Variants in CEP85L observed in about 807,000 individuals in gnomAD.
CEP85L encodes centrosomal protein of 85 kDa-like.
Under a neutral mutation model 100.3 loss-of-function variants are expected in CEP85L, and 60 were observed. The ratio of observed to expected loss-of-function variants is 0.60; its 90% CI spans 0.49 to 0.74. The LOEUF (loss-of-function observed/expected upper bound fraction) is 0.74, where lower values mean the gene tolerates loss of function less well. Ranked by LOEUF, CEP85L falls within the 30% of genes least tolerant of loss-of-function variation. CEP85L has a pLI of 0.00. For synonymous variants in CEP85L, 319 were observed against 322.7 expected (o/e 0.99, Z 0.12); for missense variants, 973 against 936.2 (o/e 1.04, Z -0.51).
intron 12 of CEP85L, among the ~76,000 whole-genome samples, chr6:118,466,673 C>T (rs1240188624): frequency 6.6e-6 from 1 of 151,966 alleles, no homozygotes; most frequent in South Asian, 2.1e-4. Context: ...CAAACTGTGA[C>T]AAAGGAGAGT....
chr6:118,672,428 T>A (rs1478826754), intron 1 of CEP85L, among the ~76,000 whole-genome samples: 3 of 152,150 alleles, frequency 2.0e-5, no homozygotes, highest in Non-Finnish European at 4.4e-5. Context: ...TGCTAGCTGT[T>A]ATGGACGATA....
intron 1 of CEP85L, among the ~76,000 whole-genome samples, chr6:118,646,465 T>C (rs2115368814): frequency 6.6e-6 from 1 of 151,896 alleles, no homozygotes; most frequent in South Asian, 2.1e-4. Flanking sequence ...GGTCAGGAGT[T>C]CAAGACCAAC....
At chr6:118,519,563 T>C (rs1288910180) in intron 4 of CEP85L, among the ~76,000 whole-genome samples, 8 of 5,546 alleles carry the variant, frequency 1.4e-3, no homozygotes, top group South Asian at 0.013. Context: ...TGTGTGTGTG[T>C]GTGTGTGTGT....
intron 1 of CEP85L, among the ~76,000 whole-genome samples, chr6:118,642,874 G>C (rs1053854176): frequency 3.3e-5 from 5 of 152,194 alleles, no homozygotes; most frequent in African/African-American, 9.7e-5. Flanking sequence ...CTGGGTGACA[G>C]AGAGACTCCG....
At chr6:118,591,019 T>C (rs1224509593) in intron 2 of CEP85L, among the ~76,000 whole-genome samples, 1 of 152,048 alleles carries the variant, frequency 6.6e-6, no homozygotes, top group African/African-American at 2.4e-5. Flanking sequence ...TAAAATCAAT[T>C]CAGTTCAGTT....
chr6:118,534,917 C>T (rs11754973), intron 3 of CEP85L, among the ~76,000 whole-genome samples: 2 of 151,914 alleles, frequency 1.3e-5, no homozygotes, highest in African/African-American at 4.8e-5. Context: ...CTACTTGGGA[C>T]GCTGAGGCAC....
At position 118,467,062 on chromosome 6, in the gene CEP85L, T is replaced by C. The variant is rs111678191; in HGVS notation, c.2255-1494A>G. Among the ~76,000 whole-genome samples the C allele has an allele frequency of 4.4e-3, 669 of 152,180 alleles. 8 individuals carry two copies. Among genetic ancestry groups the C allele is most frequent in the African/African-American group, 0.016 (648 of 41,524 alleles). Reference sequence around the variant, plus strand: ...TCAAGTGACAGGTGAATGGTGGTGTTACTCACTGAGAAGAGGAACCGGTTC... The same window carrying C: ...TCAAGTGACAGGTGAATGGTGGTGTCACTCACTGAGAAGAGGAACCGGTTC... On this transcript the variant is annotated intron_variant, in intron 12 of 12. Transcript: ENST00000368491.
At chr6:118,549,075 T>A (rs1392889596) in intron 3 of CEP85L, among the ~76,000 whole-genome samples, 1 of 151,994 alleles carries the variant, frequency 6.6e-6, no homozygotes, top group Non-Finnish European at 1.5e-5. Flanking sequence ...TAAAGAAGTT[T>A]AGAAATTTTA....
intron 2 of CEP85L, among the ~76,000 whole-genome samples, chr6:118,618,100 T>C (rs1227917574): frequency 2.0e-5 from 3 of 151,858 alleles, no homozygotes; most frequent in Non-Finnish European, 2.9e-5. Flanking sequence ...CACCCGGGAG[T>C]GCTCAGCAAA....
chr6:118,538,896 C>T (rs535611231), intron 3 of CEP85L, among the ~76,000 whole-genome samples: 30 of 150,924 alleles, frequency 2.0e-4, no homozygotes, highest in African/African-American at 6.4e-4. Context: ...AATTAACAAA[C>T]CAGACAATAA....
chr6:118,674,437 T>G (rs928369802), intron 1 of CEP85L, among the ~76,000 whole-genome samples: 2 of 151,896 alleles, frequency 1.3e-5, no homozygotes, highest in Admixed American at 1.3e-4. Context: ...AGCAGGAGAA[T>G]TGCTTGAACC....
intron 3 of CEP85L, chr6:118,559,322 A>G (rs1779092885): frequency 2.0e-6 from 1 of 490,250 alleles, no homozygotes; most frequent in Non-Finnish European, 3.8e-6. Flanking sequence ...ATAAAATGCA[A>G]CTGTTGATTT....
At chr6:118,589,558 G>A (rs779744864) in intron 2 of CEP85L, 4 of 262,000 alleles carry the variant, frequency 1.5e-5, no homozygotes, top group East Asian at 1.0e-4. Flanking sequence ...GGGGGAACAC[G>A]TCTGGACCCA....
chr6:118,665,265 A>G (rs1776097436), intron 1 of CEP85L, among the ~76,000 whole-genome samples: 1 of 152,240 alleles, frequency 6.6e-6, no homozygotes, highest in East Asian at 1.9e-4. Context: ...AGTGAGTAAT[A>G]CATGAATCAA....
intron 3 of CEP85L, 140 bp downstream of exon 3, chr6:118,565,389 G>A: frequency 1.2e-6 from 1 of 814,508 alleles, no homozygotes; most frequent in East Asian, 2.6e-5. Context: ...TTTTCGGTTT[G>A]TAACATTTCT....
intron 1 of CEP85L, among the ~76,000 whole-genome samples, chr6:118,708,925 C>CAA (rs1268920393): frequency 6.6e-6 from 1 of 151,978 alleles, no homozygotes; most frequent in Non-Finnish European, 1.5e-5. Context: ...CTTTAAATGC[C>CAA]AAAAACAGTG....
intron 1 of CEP85L, among the ~76,000 whole-genome samples, chr6:118,709,382 CAGATTGGG>C (rs1777707101): frequency 6.6e-6 from 1 of 152,148 alleles, no homozygotes; most frequent in African/African-American, 2.4e-5. Context: ...GTGTGTACGC[CAGATTGGG>C]AAGTGACACA....
At chr6:118,483,528 T>C (rs2114545875) in intron 7 of CEP85L, among the ~76,000 whole-genome samples, 178 bp downstream of exon 7, 1 of 152,292 alleles carries the variant, frequency 6.6e-6, no homozygotes, top group Non-Finnish European at 1.5e-5. Flanking sequence ...GGTAATCACT[T>C]ATTAACTGAC....
intron 1 of CEP85L, among the ~76,000 whole-genome samples, chr6:118,673,102 T>A (rs934925528): frequency 6.6e-6 from 1 of 152,150 alleles, no homozygotes; most frequent in African/African-American, 2.4e-5. Context: ...AAGAGATTAG[T>A]TGCCAAGGTT....
Sources: allele counts gnomAD v4.1 joint callset (sites outside exome capture counted in the v4.1 genomes callset), GRCh38; gene constraint gnomAD v4.1.1; transcripts MANE v1.5; gene names NCBI Gene and HGNC (gene_info 2026-07-23, HGNC 2026-07-21).